Variants in RYR2 observed in about 807,000 individuals in gnomAD.
RYR2 encodes the protein cardiac muscle ryanodine receptor-calcium release channel.
In RYR2, 227 loss-of-function variants were observed where a neutral mutation model predicts 601.1. The observed-to-expected ratio is 0.38, with a 90% CI of 0.34 to 0.42. The LOEUF (loss-of-function observed/expected upper bound fraction) is 0.42. Ranked by LOEUF, RYR2 falls within the 10% of genes least tolerant of loss-of-function variation. The pLI is 1.00. For missense variants in RYR2, 4,646 were observed against 6,156.5 expected, an observed-to-expected ratio of 0.75 and a Z score of 8.21; for synonymous variants, 2,223 against 2,175.1, an observed-to-expected ratio of 1.02 and a Z score of -0.61.
intron 2 of RYR2, among the ~76,000 whole-genome samples, chr1:237,292,551 T>C (rs1156281921): frequency 6.6e-6 from 1 of 152,164 alleles, no homozygotes; most frequent in Non-Finnish European, 1.5e-5. Context: ...TTTGTATTGA[T>C]GAAGTACTCT....
At chr1:237,764,338 C>T (rs1426707737) in intron 84 of RYR2, among the ~76,000 whole-genome samples, 3 of 150,704 alleles carry the variant, frequency 2.0e-5, no homozygotes, top group African/African-American at 4.9e-5. Flanking sequence ...AGTGAAGTCA[C>T]TTCCCTCCCA....
intron 35 of RYR2, among the ~76,000 whole-genome samples, chr1:237,605,372 G>A (rs1008818973): frequency 3.3e-5 from 5 of 152,074 alleles, no homozygotes; most frequent in African/African-American, 7.2e-5. Context: ...AAATTCAACA[G>A]CCCTTCATGC....
chr1:237,540,365 T>C (rs1669121478), intron 25 of RYR2, among the ~76,000 whole-genome samples: 1 of 152,170 alleles, frequency 6.6e-6, no homozygotes, highest in African/African-American at 2.4e-5. Context: ...ACTTATCTAT[T>C]ATGAAATCAA....
At chr1:237,766,422 G>T (rs2253074) in intron 84 of RYR2, among the ~76,000 whole-genome samples, 13,776 of 152,180 alleles carry the variant, frequency 0.091, 1,042 homozygotes, top group African/African-American at 0.2. Context: ...TTTCCTTCAT[G>T]GCAGTGGGAG....
At chr1:237,058,773 T>A (rs974029409) in intron 1 of RYR2, among the ~76,000 whole-genome samples, 9 of 146,526 alleles carry the variant, frequency 6.1e-5, no homozygotes, top group South Asian at 2.3e-4. Flanking sequence ...GTTAAGGTGC[T>A]TAGAGATGCT....
intron 25 of RYR2, among the ~76,000 whole-genome samples, chr1:237,538,860 G>T (rs1668956255): frequency 6.6e-6 from 1 of 152,190 alleles, no homozygotes; most frequent in South Asian, 2.1e-4. Context: ...AAACCAGGGG[G>T]ACGAGTTTTA....
At chr1:237,631,831 T>C (rs1057193729) in intron 42 of RYR2, among the ~76,000 whole-genome samples, 2 of 150,774 alleles carry the variant, frequency 1.3e-5, no homozygotes, top group African/African-American at 4.9e-5. Context: ...GGTTTCACTG[T>C]GTTAGCCAGG....
intron 12 of RYR2, among the ~76,000 whole-genome samples, chr1:237,428,990 A>G (rs1345048303): frequency 4.6e-5 from 7 of 151,930 alleles, no homozygotes; most frequent in Admixed American, 3.3e-4. Flanking sequence ...GAGCTGCCGC[A>G]GAAGCCCTAC....
At chr1:237,620,407 C>T (rs1678945530) in intron 38 of RYR2, among the ~76,000 whole-genome samples, 1 of 151,974 alleles carries the variant, frequency 6.6e-6, no homozygotes, top group Non-Finnish European at 1.5e-5. Context: ...CATAGCATAG[C>T]AAGTCAGTAA....
intron 2 of RYR2, among the ~76,000 whole-genome samples, chr1:237,315,135 T>C (rs1236889243): frequency 1.3e-5 from 2 of 152,184 alleles, no homozygotes; most frequent in Non-Finnish European, 2.9e-5. Flanking sequence ...ATAAGATGAG[T>C]ACATGTGTGT....
chr1:237,429,130 T>A (rs1294963128), intron 12 of RYR2, among the ~76,000 whole-genome samples: 1 of 152,170 alleles, frequency 6.6e-6, no homozygotes, highest in African/African-American at 2.4e-5. Context: ...GCAGGGACCC[T>A]GTCCTCCCAC....
intron 49 of RYR2, 128 bp downstream of exon 49, chr1:237,648,741 A>T (rs1682425682): frequency 9.0e-7 from 1 of 1,111,618 alleles, no homozygotes; most frequent in African/African-American, 1.6e-5. Context: ...TTATATTTTC[A>T]GGTAAGCCAT....
At chr1:237,135,352 C>T (rs1672649479) in intron 1 of RYR2, among the ~76,000 whole-genome samples, 1 of 151,614 alleles carries the variant, frequency 6.6e-6, no homozygotes, top group African/African-American at 2.4e-5. Flanking sequence ...CCAGCATCCC[C>T]TTGTTGGTTT....
chr1:237,327,920 T>C (rs1320721062), intron 2 of RYR2, among the ~76,000 whole-genome samples: 1 of 152,212 alleles, frequency 6.6e-6, no homozygotes, highest in Non-Finnish European at 1.5e-5. Context: ...GTGGTCTGTG[T>C]ATAGAATCCA....
chr1:237,277,923 G>A (rs961282538), intron 2 of RYR2, among the ~76,000 whole-genome samples: 4 of 152,112 alleles, frequency 2.6e-5, no homozygotes, highest in African/African-American at 9.7e-5. Flanking sequence ...TGCTATTTTT[G>A]ATAATATTAC....
chr1:237,329,252 G>A (rs906032947), intron 2 of RYR2, among the ~76,000 whole-genome samples: 7 of 151,844 alleles, frequency 4.6e-5, no homozygotes, highest in Admixed American at 2.6e-4. Flanking sequence ...GTGTGACCAT[G>A]GCTTACTGCA....
chr1:237,422,551 A>T (rs1705701594), intron 11 of RYR2, among the ~76,000 whole-genome samples: 1 of 152,196 alleles, frequency 6.6e-6, no homozygotes, highest in Admixed American at 6.5e-5. Flanking sequence ...TAAAATGTAA[A>T]GTATAAGAAT....
intron 1 of RYR2, among the ~76,000 whole-genome samples, chr1:237,079,460 C>A (rs1197553080): frequency 1.5e-4 from 7 of 46,586 alleles, no homozygotes; most frequent in Admixed American, 5.6e-4. Flanking sequence ...GTACAAAAAT[C>A]ACAAGCATTC....
chr1:237,692,267 T>A (rs1337080693), intron 63 of RYR2, among the ~76,000 whole-genome samples: 1 of 152,176 alleles, frequency 6.6e-6, no homozygotes, highest in Non-Finnish European at 1.5e-5. Flanking sequence ...GATAGGAAAA[T>A]GAAGATTGAT....
Sources: allele counts gnomAD v4.1 joint callset (sites outside exome capture counted in the v4.1 genomes callset), GRCh38; gene constraint gnomAD v4.1.1; transcripts MANE v1.5; gene names NCBI Gene and HGNC (gene_info 2026-07-23, HGNC 2026-07-21).